Variants in AMELY observed in about 807,000 individuals in gnomAD.
AMELY encodes the protein amelogenin Y-linked, also known as amelogenin, Y isoform.
In AMELY, 4 loss-of-function variants were observed where a neutral mutation model predicts 4.2. The observed-to-expected ratio is 0.96, with a 90% CI of 0.47 to 2.19. AMELY has a LOEUF of 2.19. Ranked by LOEUF, AMELY falls within the 30% of genes most tolerant of loss-of-function variation. The pLI, the probability that AMELY is intolerant of heterozygous loss-of-function variation, is 0.02. For synonymous variants in AMELY, 11 were observed against 14.7 expected (o/e 0.75, Z 0.57); for missense variants, 32 against 41.5 (o/e 0.77, Z 0.63).
chrY:6,894,333 T>C lies in AMELY; in HGVS notation c.-113+17340A>G, dbSNP rs548774107. On this transcript the variant is annotated intron_variant, in intron 1 of 6. Coordinates refer to ENST00000651267, the MANE Select transcript of AMELY (RefSeq NM_001143.2). ...TGCTTAAAAGTGTTCCACTATCTTG[T>C]CATGCATGACCCCATGCCCTTATGC... Among the ~76,000 whole-genome samples the C allele has an allele frequency of 3.3e-4, 11 of 33,793 alleles. No individual in the cohort carries two copies. The East Asian group carries it at 7.9e-3, about 24-fold the overall frequency. 90.7% of individuals were successfully genotyped at this position (33,793 alleles called of 37,273 possible). A position where few individuals can be genotyped will look rare whatever the true frequency, so the allele number is the denominator to read the frequency against.
At chrY:6,889,120 T>C (rs2054081702) in intron 1 of AMELY, among the ~76,000 whole-genome samples, 1 of 30,879 alleles carries the variant, frequency 3.2e-5, no homozygotes, top group Non-Finnish European at 7.8e-5. Flanking sequence ...GAGAATCGCT[T>C]GAACCCAGGA....
intron 1 of AMELY, among the ~76,000 whole-genome samples, chrY:6,881,920 C>T (rs2054075191): frequency 3.1e-5 from 1 of 32,255 alleles, no homozygotes; most frequent in Non-Finnish European, 7.6e-5. Context: ...ACCCACAGCT[C>T]AAGAAAATAA....
intron 1 of AMELY, among the ~76,000 whole-genome samples, 138 bp from the exon 2 acceptor site, chrY:6,874,209 A>G (rs2054070533): frequency 1.2e-4 from 4 of 33,533 alleles, no homozygotes; most frequent in Admixed American, 5.5e-4. Context: ...TCTTCATTAT[A>G]GTCAATAATA....
intron 1 of AMELY, among the ~76,000 whole-genome samples, chrY:6,889,420 T>C (rs2054081907): frequency 3.1e-5 from 1 of 32,366 alleles, no homozygotes; most frequent in African/African-American, 1.2e-4. Flanking sequence ...GTTGGCCTCA[T>C]GCTATCTTCT....
At chrY:6,897,301 G>A (rs2054086577) in intron 1 of AMELY, among the ~76,000 whole-genome samples, 1 of 33,658 alleles carries the variant, frequency 3.0e-5, no homozygotes, top group Non-Finnish European at 7.3e-5. Flanking sequence ...GCTCTTTGGG[G>A]CTCCCAGGGA....
intron 1 of AMELY, among the ~76,000 whole-genome samples, chrY:6,897,015 G>T: frequency 3.0e-5 from 1 of 33,431 alleles, no homozygotes; most frequent in Non-Finnish European, 7.4e-5. Flanking sequence ...AGTAGTCACA[G>T]AAAGTTTCAA....
chrY:6,879,089 C>T (rs1603021939), intron 1 of AMELY, among the ~76,000 whole-genome samples: 1 of 32,818 alleles, frequency 3.0e-5, no homozygotes, highest in Non-Finnish European at 7.5e-5. Context: ...TTCTAGATCC[C>T]TGAGGAATCG....
chrY:6,904,852 G>C (rs925951210), intron 1 of AMELY, among the ~76,000 whole-genome samples: 31 of 33,378 alleles, frequency 9.3e-4, no homozygotes, highest in Non-Finnish European at 1.6e-3. Context: ...TGAATGTTCA[G>C]TTTCCCCCAA....
chrY:6,879,213 T>C, intron 1 of AMELY, among the ~76,000 whole-genome samples: 1 of 32,901 alleles, frequency 3.0e-5, no homozygotes, highest in African/African-American at 1.2e-4. Flanking sequence ...TTTTTAATGA[T>C]CGCCATTCTA....
chrY:6,875,914 G>T (rs2054071602), intron 1 of AMELY, among the ~76,000 whole-genome samples: 1 of 32,936 alleles, frequency 3.0e-5, no homozygotes, highest in Non-Finnish European at 7.5e-5. Flanking sequence ...CTAAAGAAAT[G>T]ATTGAAAACA....
chrY:6,885,800 T>G (rs1035429800), intron 1 of AMELY, among the ~76,000 whole-genome samples: 10 of 34,573 alleles, frequency 2.9e-4, no homozygotes, highest in South Asian at 6.4e-4. Context: ...ATGTTCTCAC[T>G]TATCAGTGGT....
At chrY:6,874,832 G>A in intron 1 of AMELY, among the ~76,000 whole-genome samples, 1 of 33,796 alleles carries the variant, frequency 3.0e-5, no homozygotes, top group Non-Finnish European at 7.4e-5. Context: ...CGTCTCTGAG[G>A]ACTGTGATCT....
chrY:6,905,776 A>G (rs2124085512), intron 1 of AMELY, among the ~76,000 whole-genome samples: 1 of 31,765 alleles, frequency 3.1e-5, no homozygotes, highest in Non-Finnish European at 7.6e-5. Flanking sequence ...TTGTATTTTT[A>G]GCAGAGACGG....
intron 1 of AMELY, among the ~76,000 whole-genome samples, chrY:6,906,052 C>T: frequency 6.1e-5 from 2 of 32,864 alleles, no homozygotes; most frequent in South Asian, 1.4e-3. Context: ...GAATGAGTTT[C>T]ACAAGATCTG....
At chrY:6,905,208 G>A in intron 1 of AMELY, among the ~76,000 whole-genome samples, 2 of 33,287 alleles carry the variant, frequency 6.0e-5, no homozygotes, top group African/African-American at 2.4e-4. Flanking sequence ...AAATCCAATA[G>A]GTCCACTACT....
intron 1 of AMELY, among the ~76,000 whole-genome samples, chrY:6,902,558 C>CT (rs2054089999): frequency 2.5e-3 from 70 of 28,308 alleles, no homozygotes; most frequent in African/African-American, 8.3e-3. Flanking sequence ...TCCTGTATTC[C>CT]TTTTTTTTTT....
intron 1 of AMELY, among the ~76,000 whole-genome samples, chrY:6,910,215 G>T: frequency 3.1e-5 from 1 of 32,496 alleles, no homozygotes; most frequent in African/African-American, 1.2e-4. Context: ...GCAAAGGGGG[G>T]AGCCTCTGCC....
At chrY:6,884,510 A>G (rs907492224) in intron 1 of AMELY, among the ~76,000 whole-genome samples, 22 of 33,054 alleles carry the variant, frequency 6.7e-4, no homozygotes, top group African/African-American at 2.0e-3. Flanking sequence ...TGGGCTAAAC[A>G]TCCCACTTAA....
At chrY:6,908,565 AAC>A (rs757776328) in intron 1 of AMELY, among the ~76,000 whole-genome samples, 7 of 30,747 alleles carry the variant, frequency 2.3e-4, no homozygotes, top group African/African-American at 5.1e-4. Context: ...AAATAACTGG[AAC>A]ACACACACAC....
Sources: gnomAD v4.1 joint callset for allele counts (sites outside exome capture counted in the v4.1 genomes callset) on GRCh38, gnomAD v4.1.1 for gene constraint, MANE v1.5 for transcripts, NCBI Gene and HGNC (gene_info 2026-07-23, HGNC 2026-07-21) for gene names.